The following PLCG2 variants were observed in gnomAD, a reference collection of about 807,000 sequenced individuals.
The protein encoded by PLCG2 is 1-phosphatidylinositol 4,5-bisphosphate phosphodiesterase gamma-2.
PLCG2 carries 69 observed loss-of-function variants against 175.6 expected under a neutral mutation model. The ratio of observed to expected loss-of-function variants is 0.39; its 90% CI spans 0.32 to 0.48. The LOEUF is 0.48. Ranked by LOEUF, PLCG2 falls within the 20% of genes least tolerant of loss-of-function variation. PLCG2 has a pLI of 0.91. For missense variants in PLCG2, 1,798 were observed against 1,650.9 expected (o/e 1.09, Z -1.54); for synonymous variants, 827 against 624.0 (o/e 1.33, Z -4.85).
intron 2 of PLCG2, among the ~76,000 whole-genome samples, chr16:81,822,217 A>C (rs931816616): frequency 2.0e-5 from 3 of 152,068 alleles, no homozygotes; most frequent in African/African-American, 7.2e-5. Context: ...AGATGTTCCA[A>C]AACTGTCTTT....
intron 2 of PLCG2, among the ~76,000 whole-genome samples, chr16:81,806,932 C>A (rs1348077237): frequency 1.3e-5 from 2 of 151,990 alleles, no homozygotes; most frequent in Non-Finnish European, 2.9e-5. Flanking sequence ...GCTGTGGAGG[C>A]CTCCATAGCA....
intron 2 of PLCG2, among the ~76,000 whole-genome samples, chr16:81,822,554 C>T (rs1207955822): frequency 2.6e-5 from 4 of 151,960 alleles, no homozygotes; most frequent in South Asian, 4.2e-4. Flanking sequence ...GTCAGCAGTT[C>T]GAGACCAGCC....
rs369542249 is a variant in PLCG2 at position 81,912,728 on chromosome 16, G to A, written c.2054+12G>A. 20 of 1,587,790 alleles carry A rather than the reference G, an allele frequency of 1.3e-5. No individual in the cohort carries two copies. The African/African-American group carries it at 1.8e-4, about 14-fold the overall frequency. The stretch of plus-strand genomic sequence containing the variant: ...GCCATCACCTTCAGGTGGGTGCGAG[G>A]GTGGGAGGCACATGCTCTACAGAGG... On this transcript the variant is annotated intron_variant, in intron 19 of 32. Coordinates refer to ENST00000564138, the MANE Select transcript of PLCG2 (RefSeq NM_002661.5).
chr16:81,782,392 T>C (rs528266101), intron 1 of PLCG2, among the ~76,000 whole-genome samples: 9 of 152,360 alleles, frequency 5.9e-5, no homozygotes, highest in Non-Finnish European at 1.2e-4. Context: ...GCTTTTTTTT[T>C]TCTTTTTTTG....
chr16:81,887,279 C>A (rs924765446), intron 9 of PLCG2, among the ~76,000 whole-genome samples: 1 of 152,114 alleles, frequency 6.6e-6, no homozygotes, highest in Non-Finnish European at 1.5e-5. Context: ...GCCACCACGC[C>A]CAGCTAATTT....
intron 2 of PLCG2, among the ~76,000 whole-genome samples, chr16:81,786,474 A>G (rs79071379): frequency 0.016 from 2,440 of 152,314 alleles, 40 homozygotes; most frequent in Non-Finnish European, 0.024. Flanking sequence ...CCTGTCTGAC[A>G]GCATCAGGGA....
intron 2 of PLCG2, among the ~76,000 whole-genome samples, chr16:81,761,944 G>A (rs116851026): frequency 1.3e-5 from 2 of 150,182 alleles, no homozygotes; most frequent in Admixed American, 1.3e-4. Context: ...TGATTCTCCT[G>A]CCTCAGTTTC....
intron 7 of PLCG2, among the ~76,000 whole-genome samples, chr16:81,878,860 T>C (rs1020093253): frequency 6.6e-6 from 1 of 152,314 alleles, no homozygotes; most frequent in South Asian, 2.1e-4. Context: ...CTTTCATTTG[T>C]TCTTTTTCAT....
At chr16:81,942,696 CGA>C (rs1491551920) in intron 30 of PLCG2, among the ~76,000 whole-genome samples, 2 of 151,956 alleles carry the variant, frequency 1.3e-5, no homozygotes, top group African/African-American at 4.8e-5. Flanking sequence ...ACTTTGAGGC[CGA>C]GAGACTATGA....
intron 2 of PLCG2, among the ~76,000 whole-genome samples, chr16:81,834,776 C>T (rs891924465): frequency 6.6e-6 from 1 of 152,188 alleles, no homozygotes; most frequent in Non-Finnish European, 1.5e-5. Flanking sequence ...AGGACAATCT[C>T]CTTTAACAAA....
chr16:81,956,911 T>TC, intron 32 of PLCG2, 32 bp downstream of exon 32: 1 of 1,592,112 alleles, frequency 6.3e-7, no homozygotes, highest in Non-Finnish European at 8.6e-7. Flanking sequence ...CAAAAACTTT[T>TC]GGGGGGTCTC....
chr16:81,753,257 G>T (rs1315467928), intron 1 of PLCG2, among the ~76,000 whole-genome samples: 2 of 151,038 alleles, frequency 1.3e-5, no homozygotes, highest in African/African-American at 4.9e-5. Context: ...CCCACTCACA[G>T]CCCCATTGAG....
chr16:81,769,689 G>A (rs1309443640), intron 2 of PLCG2, among the ~76,000 whole-genome samples: 4 of 150,958 alleles, frequency 2.6e-5, no homozygotes, highest in Non-Finnish European at 5.9e-5. Flanking sequence ...GCGTAGTGGC[G>A]GGCGCCTGTA....
At position 81,930,529 on chromosome 16, in the gene PLCG2, C is replaced by T. The variant is rs532664249; in HGVS notation, c.2582-968C>T. Among the ~76,000 whole-genome samples, 354 of 152,228 alleles carry T rather than the reference C, an allele frequency of 2.3e-3. 1 individual carries two copies. Among genetic ancestry groups the T allele is most frequent in the Non-Finnish European group, 4.1e-3 (276 of 67,996 alleles). ...TTGGGAGGCCAAGGTGAGTGGATCG[C>T]TTGAGCTCAGGAGTTCGAGACCAGC... On this transcript the variant is annotated intron_variant, in intron 24 of 32. Coordinates refer to ENST00000564138, the MANE Select transcript of PLCG2 (RefSeq NM_002661.5).
Position 81,958,049 on chromosome 16 carries a change from C to A in PLCG2, c.*51C>A. ...TTGTGTGTGTGCGCATGTGTGTTTG[C>A]ATGTAGGAGAACGTGCCCTATTCAC... On this transcript the variant is annotated 3_prime_UTR_variant, in exon 33 of 33. Transcript: ENST00000564138. 1.5e-6 allele frequency: 2 copies of A among 1,323,502 alleles called. No homozygotes were observed. Among genetic ancestry groups the A allele is most frequent in the Non-Finnish European group, 2.2e-6 (2 of 915,748 alleles). The allele number at this position is 1,323,502 out of a possible 1,614,324, so 82.0% of individuals were successfully genotyped here.
rs144285277 is a variant in PLCG2, at chr16:81,928,715, C to T, written c.2581+91C>T. The T allele has an allele frequency of 3.5e-6, 3 of 852,184 alleles. No individual in the cohort carries two copies. In the Admixed American group the frequency reaches 5.3e-5, roughly 15 times the overall value. The allele number at this position is 852,184 out of a possible 1,614,324, so 52.8% of individuals were successfully genotyped here. On this transcript the variant is annotated intron_variant, in intron 24 of 32. Transcript: ENST00000564138. ...GCCCTACACAGGGAGGTGGCTGACA[C>T]AGGGTCCTGTCTTGAATGCCAGCTC...
chr16:81,814,928 G>A (rs1597333919), intron 2 of PLCG2, among the ~76,000 whole-genome samples: 2 of 152,204 alleles, frequency 1.3e-5, no homozygotes, highest in Admixed American at 1.3e-4. Flanking sequence ...CACAGGGTTT[G>A]TCTAGAGTAA....
intron 7 of PLCG2, among the ~76,000 whole-genome samples, chr16:81,878,004 GGGAGT>G (rs1907894326): frequency 9.3e-6 from 1 of 107,946 alleles, no homozygotes; most frequent in African/African-American, 3.4e-5. Flanking sequence ...TTTTTTGAGA[GGGAGT>G]CTCGCTCTGT....
At chr16:81,910,166 C>T (rs557904954) in intron 17 of PLCG2, among the ~76,000 whole-genome samples, 1 of 152,176 alleles carries the variant, frequency 6.6e-6, no homozygotes, top group Admixed American at 6.5e-5. Context: ...TCTCGGCTCA[C>T]TGCAACCTTC....
Sources: gnomAD v4.1 joint callset for allele counts (sites outside exome capture counted in the v4.1 genomes callset) on GRCh38, gnomAD v4.1.1 for gene constraint, MANE v1.5 for transcripts, NCBI Gene and HGNC (gene_info 2026-07-23, HGNC 2026-07-21) for gene names.